Variants in RARA observed in about 807,000 individuals in gnomAD.
RARA encodes PML-DDX5-RARA fusion.
Under a neutral mutation model 42.8 loss-of-function variants are expected in RARA, and 5 were observed. The ratio of observed to expected loss-of-function variants is 0.12; its 90% confidence interval spans 0.06 to 0.25. The LOEUF is 0.25. RARA is among the 10% of genes least tolerant of loss of function. The pLI is 1.00. For missense variants in RARA, 402 were observed against 628.7 expected, an observed-to-expected ratio of 0.64 and a Z score of 3.86; for synonymous variants, 256 against 259.5, an observed-to-expected ratio of 0.99 and a Z score of 0.13.
chr17:40,327,083 A>G (rs1345615828), intron 1 of RARA, among the ~76,000 whole-genome samples: 2 of 151,180 alleles, frequency 1.3e-5, no homozygotes, highest in Non-Finnish European at 2.9e-5. Flanking sequence ...GAGGCCTTCC[A>G]GCCTTGCCCT....
At chr17:40,346,410 G>T (rs991997013) in intron 2 of RARA, among the ~76,000 whole-genome samples, 1 of 152,102 alleles carries the variant, frequency 6.6e-6, no homozygotes, top group Non-Finnish European at 1.5e-5. Context: ...GGATTAGGAG[G>T]GGTGGGGAGG....
At chr17:40,325,296 T>A (rs560135324) in intron 1 of RARA, among the ~76,000 whole-genome samples, 121 of 149,298 alleles carry the variant, frequency 8.1e-4, no homozygotes, top group East Asian at 5.5e-3. Flanking sequence ...AATAAATAAA[T>A]AAAAAGAGGC....
intron 1 of RARA, among the ~76,000 whole-genome samples, chr17:40,327,519 GA>G (rs1252147749): frequency 6.6e-6 from 1 of 152,244 alleles, no homozygotes; most frequent in Non-Finnish European, 1.5e-5. Context: ...GAGGTTCGGA[GA>G]ATGTACAGTT....
intron 1 of RARA, among the ~76,000 whole-genome samples, chr17:40,313,529 G>T (rs755726012): frequency 1.3e-5 from 2 of 152,194 alleles, no homozygotes; most frequent in Non-Finnish European, 2.9e-5. Context: ...AGACTATGAT[G>T]TGAATGGCAC....
At chr17:40,324,180 G>T (rs1459064009) in intron 1 of RARA, among the ~76,000 whole-genome samples, 1 of 152,054 alleles carries the variant, frequency 6.6e-6, no homozygotes. Context: ...CAAGCTAGGG[G>T]GTCCCCTTTT....
intron 1 of RARA, among the ~76,000 whole-genome samples, chr17:40,318,674 T>G (rs982536558): frequency 6.6e-6 from 1 of 152,238 alleles, no homozygotes; most frequent in Non-Finnish European, 1.5e-5. Flanking sequence ...CCTTGAGGCG[T>G]CTGGGGCCGT....
At chr17:40,348,626 CA>C (rs1198644655) in intron 3 of RARA, 162 bp downstream of exon 3, 1 of 863,082 alleles carries the variant, frequency 1.2e-6, no homozygotes, top group Non-Finnish European at 1.7e-6. Context: ...ACAGTTTCCC[CA>C]CAGGTCCTCC....
At chr17:40,341,788 GCCAGGGA>G (rs1305567453) in intron 2 of RARA, 35 of 1,272,148 alleles carry the variant, frequency 2.8e-5, no homozygotes, top group Admixed American at 4.2e-5. Context: ...GCTTCGCTCG[GCCAGGGA>G]CTGACCAAAC....
At chr17:40,325,018 C>T (rs1402556328) in intron 1 of RARA, among the ~76,000 whole-genome samples, 2 of 151,764 alleles carry the variant, frequency 1.3e-5, no homozygotes, top group Non-Finnish European at 2.9e-5. Context: ...TTTGGGAGGC[C>T]GAGGCGGGCA....
chr17:40,324,879 G>C (rs926427673), intron 1 of RARA, among the ~76,000 whole-genome samples: 2 of 152,140 alleles, frequency 1.3e-5, no homozygotes, highest in Admixed American at 1.3e-4. Context: ...TGGGGTTGGT[G>C]GGGAAGAGGC....
intron 6 of RARA, among the ~76,000 whole-genome samples, chr17:40,353,649 T>C (rs1292180945): frequency 2.0e-5 from 3 of 152,118 alleles, no homozygotes; most frequent in Non-Finnish European, 2.9e-5. Context: ...AGAGACGGGG[T>C]TTCACCATGT....
At chr17:40,342,730 G>T (rs778093184) in intron 2 of RARA, 2 of 1,612,498 alleles carry the variant, frequency 1.2e-6, no homozygotes, top group Non-Finnish European at 1.7e-6. Flanking sequence ...GAAGTGGGGG[G>T]TCCCACCCCT....
intron 2 of RARA, chr17:40,342,992 C>A: frequency 6.9e-7 from 1 of 1,458,850 alleles, no homozygotes; most frequent in Non-Finnish European, 9.0e-7. Flanking sequence ...TCACTTAACC[C>A]GTGTTGCCCT....
At chr17:40,313,101 G>A (rs2033128046) in intron 1 of RARA, among the ~76,000 whole-genome samples, 1 of 152,186 alleles carries the variant, frequency 6.6e-6, no homozygotes, top group Admixed American at 6.5e-5. Flanking sequence ...GGTGGCCTGT[G>A]GCCACTGGTG....
chr17:40,331,852 G>A (rs753455079), intron 2 of RARA, among the ~76,000 whole-genome samples: 2 of 152,160 alleles, frequency 1.3e-5, no homozygotes, highest in African/African-American at 4.8e-5. Flanking sequence ...GGAGCAGACC[G>A]AGGAAGGCTG....
At chr17:40,317,094 T>G (rs2033230878) in intron 1 of RARA, among the ~76,000 whole-genome samples, 1 of 152,258 alleles carries the variant, frequency 6.6e-6, no homozygotes, top group African/African-American at 2.4e-5. Flanking sequence ...TGCCTGCTCT[T>G]GGACTCTCTT....
chr17:40,334,511 C>A (rs1377709169), intron 2 of RARA, among the ~76,000 whole-genome samples: 2 of 152,220 alleles, frequency 1.3e-5, no homozygotes, highest in Admixed American at 1.3e-4. Flanking sequence ...GGACAGAGCT[C>A]CTGAGCTCTG....
intron 1 of RARA, among the ~76,000 whole-genome samples, chr17:40,328,291 A>G (rs2033598058): frequency 6.6e-6 from 1 of 151,966 alleles, no homozygotes; most frequent in Non-Finnish European, 1.5e-5. Context: ...TGGAGTTCAG[A>G]GCTTGGAACC....
At chr17:40,329,564 C>T (rs1210182383) in intron 1 of RARA, among the ~76,000 whole-genome samples, 1 of 152,204 alleles carries the variant, frequency 6.6e-6, no homozygotes, top group African/African-American at 2.4e-5. Flanking sequence ...AGGTGATCCA[C>T]CTGCCTCAGC....
Sources: gnomAD v4.1 joint callset for allele counts (sites outside exome capture counted in the v4.1 genomes callset) on GRCh38, gnomAD v4.1.1 for gene constraint, MANE v1.5 for transcripts, NCBI Gene and HGNC (gene_info 2026-07-23, HGNC 2026-07-21) for gene names.